The following GLRB variants were observed in gnomAD, a reference collection of about 807,000 sequenced individuals.
GLRB encodes the protein glycine receptor beta, also known as glycine receptor subunit beta.
Under a neutral mutation model 54.2 loss-of-function variants are expected in GLRB, and 33 were observed. That is an observed-to-expected ratio of 0.61 (90% CI 0.46 to 0.81). The LOEUF (loss-of-function observed/expected upper bound fraction) is 0.81, where lower values mean the gene tolerates loss of function less well. Ranked by LOEUF, GLRB falls within the 40% of genes least tolerant of loss-of-function variation. The pLI, the probability that GLRB is intolerant of heterozygous loss-of-function variation, is 0.00. For missense variants in GLRB, 572 were observed against 584.6 expected (o/e 0.98, Z 0.22); for synonymous variants, 209 against 208.2 (o/e 1.00, Z -0.03).
chr4:157,100,507 T>G (rs935894093), intron 2 of GLRB, among the ~76,000 whole-genome samples: 2 of 152,204 alleles, frequency 1.3e-5, no homozygotes, highest in Admixed American at 1.3e-4. Context: ...TAGTAGGGTA[T>G]ATCCTGTTCT....
At chr4:157,096,621 T>G (rs1734821254) in intron 2 of GLRB, among the ~76,000 whole-genome samples, 1 of 152,194 alleles carries the variant, frequency 6.6e-6, no homozygotes, top group African/African-American at 2.4e-5. Context: ...GTTTGTTGCC[T>G]CCTATAGCCT....
At chr4:157,162,369 T>C (rs539269390) in intron 9 of GLRB, among the ~76,000 whole-genome samples, 11 of 152,226 alleles carry the variant, frequency 7.2e-5, no homozygotes, top group Admixed American at 1.3e-4. Context: ...CCAGCTTTGT[T>C]CCGTTGCTGG....
In GLRB at chr4:157,137,780, T is replaced by G. The variant is rs570640462; in HGVS notation, c.610+894T>G. On this transcript the variant is annotated intron_variant, in intron 6 of 9. Transcript: ENST00000264428. Reference sequence around the variant, plus strand: ...TGTTTTTGTATGTATTGTATATGAGTGCCTGCATGTCAAGATGTACTTGTA... The same window carrying G: ...TGTTTTTGTATGTATTGTATATGAGGGCCTGCATGTCAAGATGTACTTGTA... 3.5e-4 allele frequency among the ~76,000 whole-genome samples: 53 copies of G among 152,306 alleles called. 1 individual carries two copies. The highest frequency in any genetic ancestry group is 2.7e-3 in the South Asian group (13 of 4,832).
intron 4 of GLRB, 78 bp from the exon 5 acceptor site, chr4:157,136,391 C>A: frequency 1.2e-6 from 1 of 821,904 alleles, no homozygotes; most frequent in African/African-American, 1.7e-5. Flanking sequence ...CATTGTAACC[C>A]TTTTTGTTTT....
chr4:157,159,317 T>G (rs1160087673), intron 9 of GLRB, among the ~76,000 whole-genome samples: 1 of 152,048 alleles, frequency 6.6e-6, no homozygotes, highest in Non-Finnish European at 1.5e-5. Flanking sequence ...ATTGAATACC[T>G]TTTATTTCTT....
chr4:157,079,883 G>A (rs910007428), intron 2 of GLRB, among the ~76,000 whole-genome samples: 3 of 152,032 alleles, frequency 2.0e-5, no homozygotes, highest in Non-Finnish European at 4.4e-5. Flanking sequence ...TGTTGTCTAT[G>A]TCATATAGTC....
chr4:157,171,703 T>C lies in GLRB; in HGVS notation c.*975T>C, dbSNP rs1737929453. ...TGCATATTTTAAGTAAAATTAAAAA[T>C]GTTTACTGAATTTATTTTTTTATTT... On this transcript the variant is annotated 3_prime_UTR_variant, in exon 10 of 10. Transcript: ENST00000264428. 1 of 152,166 alleles carries C rather than the reference T, an allele frequency of 6.6e-6. No homozygotes were observed. The highest frequency in any genetic ancestry group is 2.4e-5 in the African/African-American group (1 of 41,440). 9.4% of individuals were successfully genotyped at this position (152,166 alleles called of 1,614,324 possible).
rs181615565 is a variant in GLRB, at chr4:157,141,088, G to T, written c.751+2139G>T. 3.8e-3 allele frequency among the ~76,000 whole-genome samples: 571 copies of T among 151,894 alleles called. 1 individual carries two copies. The highest frequency in any genetic ancestry group is 0.013 in the African/African-American group (546 of 41,518). On this transcript the variant is annotated intron_variant, in intron 7 of 9. Coordinates refer to ENST00000264428, the MANE Select transcript of GLRB (RefSeq NM_000824.5). ...AAAATATAATTCATTTTAGTTCTTA[G>T]AATAAAATTAGAAGGTGTGCTATGG...
In GLRB at chr4:157,119,946, C is replaced by T. The variant is rs189545987; in HGVS notation, c.123-610C>T. ...GACACATGCACACATATGTGTATTG[C>T]GGCACTATTCACAATAGCAAAGACT... On this transcript the variant is annotated intron_variant, in intron 2 of 9. Transcript: ENST00000264428. 1.6e-3 allele frequency among the ~76,000 whole-genome samples: 247 copies of T among 151,792 alleles called. 1 individual carries two copies. In the East Asian group the frequency reaches 0.018, roughly 11 times the overall value.
intron 2 of GLRB, among the ~76,000 whole-genome samples, chr4:157,089,383 C>A (rs983414808): frequency 6.6e-6 from 1 of 151,860 alleles, no homozygotes; most frequent in Non-Finnish European, 1.5e-5. Context: ...CCAGCCTGGG[C>A]GACAGAGGGA....
chr4:157,108,262 A>T (rs985834863), intron 2 of GLRB, among the ~76,000 whole-genome samples: 1 of 152,120 alleles, frequency 6.6e-6, no homozygotes, highest in Non-Finnish European at 1.5e-5. Flanking sequence ...TATCTAAGAA[A>T]TACATTTACT....
rs1330380053 is a variant in GLRB at position 157,141,758 on chromosome 4, A to G, written c.752-2049A>G. 2.0e-5 allele frequency among the ~76,000 whole-genome samples: 3 copies of G among 152,084 alleles called. 1 individual carries two copies. The highest frequency in any genetic ancestry group is 2.0e-4 in the Admixed American group (3 of 15,262). On this transcript the variant is annotated intron_variant, in intron 7 of 9. Coordinates refer to ENST00000264428, the MANE Select transcript of GLRB (RefSeq NM_000824.5). ...ATAAAATTTTATGGAGCAAATCACT[A>G]TAATATCCAAGCATGTATTTTACTG...
chr4:157,096,522 G>A (rs1734817515), intron 2 of GLRB, among the ~76,000 whole-genome samples: 1 of 152,174 alleles, frequency 6.6e-6, no homozygotes, highest in African/African-American at 2.4e-5. Context: ...CAATGGTCAA[G>A]AGGGACAAGA....
At position 157,161,633 on chromosome 4, in the gene GLRB, C is replaced by T. The variant is rs542749003; in HGVS notation, c.1197+8623C>T. Reference sequence around the variant, plus strand: ...ATGAAATTCTGAGTTGAAAATTCTTCTCTTTAAGAATGTTGACTATTGGCC... The same window carrying T: ...ATGAAATTCTGAGTTGAAAATTCTTTTCTTTAAGAATGTTGACTATTGGCC... On this transcript the variant is annotated intron_variant, in intron 9 of 9. Transcript: ENST00000264428. Among the ~76,000 whole-genome samples the T allele has an allele frequency of 6.6e-5, 10 of 152,258 alleles. No individual in the cohort carries two copies. In the East Asian group the frequency reaches 1.7e-3, roughly 27 times the overall value.
intron 2 of GLRB, among the ~76,000 whole-genome samples, chr4:157,080,243 C>T (rs1734177311): frequency 6.6e-6 from 1 of 151,964 alleles, no homozygotes; most frequent in Admixed American, 6.6e-5. Flanking sequence ...AAGTGGAAGA[C>T]CCAACATATA....
chr4:157,154,290 A>G (rs1002448283), intron 9 of GLRB, among the ~76,000 whole-genome samples: 1 of 152,096 alleles, frequency 6.6e-6, no homozygotes, highest in Non-Finnish European at 1.5e-5. Flanking sequence ...CTGCTCTGCC[A>G]TTCTCTTATG....
At chr4:157,081,660 T>A (rs1427074240) in intron 2 of GLRB, among the ~76,000 whole-genome samples, 4 of 152,178 alleles carry the variant, frequency 2.6e-5, no homozygotes, top group African/African-American at 9.7e-5. Flanking sequence ...ACGTCTTACG[T>A]TTTCATTCCC....
chr4:157,152,590 A>G, intron 8 of GLRB, 128 bp from the exon 9 acceptor site: 1 of 789,516 alleles, frequency 1.3e-6, no homozygotes, highest in Non-Finnish European at 2.3e-6. Flanking sequence ...TTTGAGCTTT[A>G]AGGGGACCTG....
intron 8 of GLRB, among the ~76,000 whole-genome samples, chr4:157,150,881 A>G (rs1736997859): frequency 6.6e-6 from 1 of 151,860 alleles, no homozygotes; most frequent in African/African-American, 2.4e-5. Flanking sequence ...TGTTTCCCCA[A>G]CTACTAATTT....
Sources: gnomAD v4.1 joint callset for allele counts (sites outside exome capture counted in the v4.1 genomes callset) on GRCh38, gnomAD v4.1.1 for gene constraint, MANE v1.5 for transcripts, NCBI Gene and HGNC (gene_info 2026-07-23, HGNC 2026-07-21) for gene names.